NRXN1: variants seen among roughly 807,000 people sequenced by gnomAD.
The protein encoded by NRXN1 is neurexin-1.
Under a neutral mutation model 150.9 loss-of-function variants are expected in NRXN1, and 39 were observed. The observed-to-expected ratio is 0.26, with a 90% CI of 0.20 to 0.34. The LOEUF (loss-of-function observed/expected upper bound fraction) is 0.34. NRXN1 is among the 10% of genes least tolerant of loss of function. NRXN1 has a pLI of 1.00. For synonymous variants in NRXN1, 924 were observed against 757.0 expected (o/e 1.22, Z -3.62); for missense variants, 1,815 against 1,949.9 (o/e 0.93, Z 1.30).
intron 17 of NRXN1, among the ~76,000 whole-genome samples, chr2:50,388,074 C>G (rs888678034): frequency 6.6e-6 from 1 of 152,120 alleles, no homozygotes; most frequent in Non-Finnish European, 1.5e-5. Flanking sequence ...GCCTCAACCC[C>G]TTACAGATTT....
chr2:50,131,404 C>T (rs1266778981), intron 18 of NRXN1, among the ~76,000 whole-genome samples: 1 of 152,122 alleles, frequency 6.6e-6, no homozygotes, highest in Non-Finnish European at 1.5e-5. Flanking sequence ...TTCAAGATAT[C>T]ACTAAGCTCA....
At chr2:50,659,042 C>T (rs1686909261) in intron 5 of NRXN1, among the ~76,000 whole-genome samples, 1 of 151,986 alleles carries the variant, frequency 6.6e-6, no homozygotes, top group African/African-American at 2.4e-5. Flanking sequence ...CTTTCTTCAC[C>T]ACCCAACTTC....
chr2:50,568,319 T>A (rs149940464), intron 8 of NRXN1, among the ~76,000 whole-genome samples: 1 of 152,276 alleles, frequency 6.6e-6, no homozygotes, highest in African/African-American at 2.4e-5. Flanking sequence ...ACAAAGCTTC[T>A]GCACAGCAAA....
At chr2:50,609,356 C>T (rs569742954) in intron 8 of NRXN1, among the ~76,000 whole-genome samples, 1 of 152,172 alleles carries the variant, frequency 6.6e-6, no homozygotes, top group Admixed American at 6.5e-5. Context: ...GAGCAGGGCC[C>T]TTCTATGTGT....
chr2:50,444,048 C>T, intron 17 of NRXN1, among the ~76,000 whole-genome samples: 1 of 152,120 alleles, frequency 6.6e-6, no homozygotes, highest in Non-Finnish European at 1.5e-5. Context: ...ACAACCTGTT[C>T]ATCAAGGATT....
At chr2:50,353,301 A>G (rs764010778) in intron 17 of NRXN1, among the ~76,000 whole-genome samples, 2 of 152,196 alleles carry the variant, frequency 1.3e-5, no homozygotes, top group Non-Finnish European at 2.9e-5. Context: ...TGTTGCAGGC[A>G]TCACAGGAGC....
intron 2 of NRXN1, among the ~76,000 whole-genome samples, chr2:51,005,329 T>C (rs760652229): frequency 1.3e-5 from 2 of 152,150 alleles, no homozygotes; most frequent in East Asian, 1.9e-4. Context: ...ACTTATGAGA[T>C]ATATACTGAT....
chr2:50,175,257 C>T (rs1369361669), intron 18 of NRXN1: 1 of 152,164 alleles, frequency 6.6e-6, no homozygotes, highest in Non-Finnish European at 1.5e-5. Flanking sequence ...AGTGCACATG[C>T]TTTCTAACTC....
At chr2:50,705,424 G>C (rs1011048268) in intron 5 of NRXN1, among the ~76,000 whole-genome samples, 8 of 152,124 alleles carry the variant, frequency 5.3e-5, no homozygotes, top group African/African-American at 1.9e-4. Flanking sequence ...AGTTAAATGT[G>C]ATAATCCACG....
intron 16 of NRXN1, among the ~76,000 whole-genome samples, chr2:50,466,161 A>G (rs1176692830): frequency 3.3e-5 from 5 of 151,840 alleles, no homozygotes; most frequent in Non-Finnish European, 7.4e-5. Context: ...ATAAACATAC[A>G]AGTAAAAAGA....
At chr2:50,553,315 A>T (rs554310522) in intron 8 of NRXN1, among the ~76,000 whole-genome samples, 1 of 152,242 alleles carries the variant, frequency 6.6e-6, no homozygotes, top group South Asian at 2.1e-4. Context: ...AAATCTGCAT[A>T]TATCTTTAAT....
chr2:50,701,910 A>T (rs762683186), intron 5 of NRXN1, among the ~76,000 whole-genome samples: 9 of 152,144 alleles, frequency 5.9e-5, no homozygotes, highest in Non-Finnish European at 1.2e-4. Context: ...CCAGTCCCTC[A>T]TAGGATCTCA....
intron 5 of NRXN1, among the ~76,000 whole-genome samples, chr2:50,726,734 T>C (rs780707135): frequency 6.6e-6 from 1 of 152,180 alleles, no homozygotes; most frequent in Admixed American, 6.5e-5. Context: ...TTCCCTCCAT[T>C]AGTAAACACA....
intron 5 of NRXN1, among the ~76,000 whole-genome samples, chr2:50,794,677 T>C (rs754876031): frequency 6.6e-6 from 1 of 152,168 alleles, no homozygotes; most frequent in Admixed American, 6.6e-5. Context: ...AAGAAAGATC[T>C]CATCTACCTC....
intron 5 of NRXN1, among the ~76,000 whole-genome samples, chr2:50,643,694 T>TA (rs1256640224): frequency 1.3e-5 from 2 of 151,894 alleles, no homozygotes; most frequent in African/African-American, 2.4e-5. Flanking sequence ...ATATAACAGA[T>TA]AAAAAACTCT....
chr2:50,870,236 A>T (rs2106092322), intron 5 of NRXN1, among the ~76,000 whole-genome samples: 1 of 152,064 alleles, frequency 6.6e-6, no homozygotes, highest in South Asian at 2.1e-4. Flanking sequence ...ATTTATTATA[A>T]AACCAAATAA....
At chr2:50,593,487 C>T (rs1040267361) in intron 8 of NRXN1, among the ~76,000 whole-genome samples, 3 of 152,076 alleles carry the variant, frequency 2.0e-5, no homozygotes, top group Admixed American at 6.6e-5. Flanking sequence ...CTCTTTGATA[C>T]TATCAATTTT....
At position 50,353,077 on chromosome 2, in the gene NRXN1, T is replaced by C. The variant is rs549191321; in HGVS notation, c.3364+112365A>G. ...CAATGCGGTACTCAAGTCACTCAAA[T>C]TGAATTAAAGCCTAGATGTGCAGTT... On this transcript the variant is annotated intron_variant, in intron 17 of 22. Transcript: ENST00000401669. Among the ~76,000 whole-genome samples the C allele has an allele frequency of 3.6e-4, 55 of 152,218 alleles. 4 individuals are homozygous for C. The South Asian group carries it at 0.01, about 29-fold the overall frequency.
chr2:50,114,637 A>G (rs899173278), intron 18 of NRXN1, among the ~76,000 whole-genome samples: 4 of 152,000 alleles, frequency 2.6e-5, no homozygotes, highest in Non-Finnish European at 4.4e-5. Context: ...ATGAATAAAT[A>G]AACTGTGGTA....
Sources: allele counts gnomAD v4.1 joint callset (sites outside exome capture counted in the v4.1 genomes callset), GRCh38; gene constraint gnomAD v4.1.1; transcripts MANE v1.5; gene names NCBI Gene and HGNC (gene_info 2026-07-23, HGNC 2026-07-21).